The following AK5 variants were observed in gnomAD, a reference collection of about 807,000 sequenced individuals.
AK5 encodes adenylate kinase isoenzyme 5.
AK5 carries 27 observed loss-of-function variants against 69.5 expected under a neutral mutation model. That is an observed-to-expected ratio of 0.39 (90% CI 0.29 to 0.54). The LOEUF (loss-of-function observed/expected upper bound fraction) is 0.54. Among genes scored for constraint, AK5 ranks in the 20% least tolerant of loss-of-function variants. The pLI, the probability that AK5 is intolerant of heterozygous loss-of-function variation, is 0.71. For synonymous variants in AK5, 260 were observed against 244.4 expected (o/e 1.06, Z -0.60); for missense variants, 531 against 700.4 (o/e 0.76, Z 2.73).
chr1:77,548,898 C>CTTTT (rs34026852), intron 13 of AK5, among the ~76,000 whole-genome samples: 10 of 87,890 alleles, frequency 1.1e-4, no homozygotes, highest in African/African-American at 1.6e-4. Flanking sequence ...TTGCTTTTAG[C>CTTTT]TTTTTTTTTT....
intron 13 of AK5, among the ~76,000 whole-genome samples, chr1:77,555,852 G>A (rs917751360): frequency 6.6e-6 from 1 of 152,190 alleles, no homozygotes; most frequent in African/African-American, 2.4e-5. Flanking sequence ...GTTCAACTTG[G>A]TTAACTGCAA....
chr1:77,310,491 C>T (rs961783112), intron 5 of AK5, among the ~76,000 whole-genome samples: 1 of 151,992 alleles, frequency 6.6e-6, no homozygotes, highest in South Asian at 2.1e-4. Flanking sequence ...GCCACTCTCC[C>T]GCCTCAGCCT....
At position 77,300,689 on chromosome 1, in the gene AK5, C is replaced by T. The variant is rs1336658337; in HGVS notation, c.699+2742C>T. ...GGACACTATCCAGAGTTAGTTCAGACCCCACAGGTTAAGAGCTTAGTTCCA... is the reference window on the plus strand; with the variant it reads ...GGACACTATCCAGAGTTAGTTCAGATCCCACAGGTTAAGAGCTTAGTTCCA... On this transcript the variant is annotated intron_variant, in intron 5 of 13. Coordinates refer to ENST00000354567, the MANE Select transcript of AK5 (RefSeq NM_174858.3). 4.6e-5 allele frequency among the ~76,000 whole-genome samples: 7 copies of T among 152,116 alleles called. No individual in the cohort carries two copies. The South Asian group carries it at 1.5e-3, about 32-fold the overall frequency.
intron 10 of AK5, among the ~76,000 whole-genome samples, chr1:77,505,478 G>A (rs1570275522): frequency 1.3e-5 from 2 of 152,142 alleles, no homozygotes; most frequent in South Asian, 4.1e-4. Context: ...TATGGGGAGC[G>A]AAACTATTTT....
intron 13 of AK5, among the ~76,000 whole-genome samples, chr1:77,542,103 C>A (rs1284980813): frequency 6.6e-6 from 1 of 152,068 alleles, no homozygotes; most frequent in African/African-American, 2.4e-5. Context: ...CCAAAGCAGG[C>A]AGATCACAAG....
Position 77,431,753 on chromosome 1 carries a change from C to A in AK5, c.1059+14038C>A, listed in dbSNP as rs12240043. Among the ~76,000 whole-genome samples the A allele has an allele frequency of 4.9e-4, 74 of 152,132 alleles. No individual in the cohort carries two copies. The East Asian group carries it at 0.011, about 22-fold the overall frequency. ...AAAATGATATTTATTCAGAAATGGG[C>A]ATTGCAATAGGAATATGGGTGCCAT... On this transcript the variant is annotated intron_variant, in intron 8 of 13. Coordinates refer to ENST00000354567, the MANE Select transcript of AK5 (RefSeq NM_174858.3).
At chr1:77,424,523 T>C (rs1182544745) in intron 8 of AK5, among the ~76,000 whole-genome samples, 2 of 152,140 alleles carry the variant, frequency 1.3e-5, no homozygotes, top group Non-Finnish European at 2.9e-5. Flanking sequence ...TGATAATAAA[T>C]AGACAACATG....
intron 6 of AK5, among the ~76,000 whole-genome samples, chr1:77,343,939 A>G (rs914284599): frequency 1.3e-5 from 2 of 152,190 alleles, no homozygotes; most frequent in Admixed American, 6.5e-5. Context: ...GGTTGTAAAA[A>G]CTTTAGACAT....
chr1:77,420,829 C>A (rs569982786), intron 8 of AK5, among the ~76,000 whole-genome samples: 13 of 152,258 alleles, frequency 8.5e-5, no homozygotes, highest in African/African-American at 3.1e-4. Context: ...CTAGGGATCA[C>A]CACACTTTTT....
At chr1:77,322,046 T>C (rs1471959339) in intron 5 of AK5, among the ~76,000 whole-genome samples, 3 of 152,350 alleles carry the variant, frequency 2.0e-5, no homozygotes, top group East Asian at 1.9e-4. Flanking sequence ...TATTTAACTT[T>C]CCATGATGAT....
chr1:77,487,173 G>A (rs1434308638), intron 10 of AK5, among the ~76,000 whole-genome samples: 1 of 152,152 alleles, frequency 6.6e-6, no homozygotes, highest in Non-Finnish European at 1.5e-5. Flanking sequence ...CACCCACTAT[G>A]CTCCAGGTTA....
intron 8 of AK5, among the ~76,000 whole-genome samples, chr1:77,444,374 TAC>T (rs1652579459): frequency 2.7e-5 from 1 of 36,732 alleles, no homozygotes; most frequent in African/African-American, 1.3e-4. Context: ...TATAAATATA[TAC>T]TATATATAGT....
At chr1:77,482,762 CTA>C (rs1655333095) in intron 8 of AK5, among the ~76,000 whole-genome samples, 1 of 117,146 alleles carries the variant, frequency 8.5e-6, no homozygotes, top group African/African-American at 3.0e-5. Context: ...CAGGGCGAGA[CTA>C]TGTCTCAAAA....
At chr1:77,490,660 C>A (rs1029987648) in intron 10 of AK5, among the ~76,000 whole-genome samples, 4 of 152,162 alleles carry the variant, frequency 2.6e-5, no homozygotes, top group Non-Finnish European at 5.9e-5. Flanking sequence ...AGCTCAATCA[C>A]TTCTGAAAAC....
At chr1:77,467,292 C>A (rs1430621341) in intron 8 of AK5, among the ~76,000 whole-genome samples, 2 of 152,324 alleles carry the variant, frequency 1.3e-5, no homozygotes, top group East Asian at 3.9e-4. Context: ...GTGGAGGCTC[C>A]TAGTTTCTCC....
intron 5 of AK5, among the ~76,000 whole-genome samples, chr1:77,337,498 T>C (rs967397706): frequency 6.6e-6 from 1 of 152,190 alleles, no homozygotes; most frequent in Admixed American, 6.5e-5. Flanking sequence ...AAATTTCTTA[T>C]GTAATTTATT....
chr1:77,364,886 A>C (rs1444726099), intron 6 of AK5, among the ~76,000 whole-genome samples: 1 of 152,206 alleles, frequency 6.6e-6, no homozygotes, highest in Non-Finnish European at 1.5e-5. Context: ...ATAAATGCCC[A>C]GTAGTGGGAC....
Position 77,339,267 on chromosome 1 carries a change from C to G in AK5, c.700-1110C>G, listed in dbSNP as rs181697873. Among the ~76,000 whole-genome samples, 43 of 152,314 alleles carry G rather than the reference C, an allele frequency of 2.8e-4. No homozygotes were observed. The East Asian group carries it at 8.3e-3, about 29-fold the overall frequency. On this transcript the variant is annotated intron_variant, in intron 5 of 13. Coordinates refer to ENST00000354567, the MANE Select transcript of AK5 (RefSeq NM_174858.3). The stretch of plus-strand genomic sequence containing the variant: ...CAGTAAAACACTTTGGAGATTATTG[C>G]TTCAAACCACTATGCAAACTGTCTT...
At chr1:77,385,114 C>T (rs1647914990) in intron 6 of AK5, among the ~76,000 whole-genome samples, 1 of 152,240 alleles carries the variant, frequency 6.6e-6, no homozygotes, top group Non-Finnish European at 1.5e-5. Flanking sequence ...AGTCTGACTT[C>T]ATGAAGGTAA....
Sources: gnomAD v4.1 joint callset for allele counts (sites outside exome capture counted in the v4.1 genomes callset) on GRCh38, gnomAD v4.1.1 for gene constraint, MANE v1.5 for transcripts, NCBI Gene and HGNC (gene_info 2026-07-23, HGNC 2026-07-21) for gene names.